The following EIF2S3 variants were observed in gnomAD, a reference collection of about 807,000 sequenced individuals.
The protein encoded by EIF2S3 is eukaryotic translation initiation factor 2 subunit 3.
A neutral mutation model predicts 31.7 loss-of-function variants in EIF2S3; 2 were observed. The ratio of observed to expected loss-of-function variants is 0.06; its 90% CI spans 0.03 to 0.20. EIF2S3 has a LOEUF of 0.20. EIF2S3 is among the 10% of genes least tolerant of loss of function. EIF2S3 has a pLI of 1.00. For missense variants in EIF2S3, 96 were observed against 359.3 expected, an observed-to-expected ratio of 0.27 and a Z score of 5.92; for synonymous variants, 120 against 126.7, an observed-to-expected ratio of 0.95 and a Z score of 0.36.
chrX:24,077,051 TATACATCATGCAG>T lies in EIF2S3; in HGVS notation c.*267_*279del. 3.9e-6 allele frequency: 1 copy of T among 254,990 alleles called. No homozygotes were observed. The highest frequency in any genetic ancestry group is 6.8e-6 in the Non-Finnish European group (1 of 146,949). 21.0% of individuals were successfully genotyped at this position (254,990 alleles called of 1,213,427 possible). On this transcript the variant is annotated 3_prime_UTR_variant, in exon 12 of 12. Coordinates refer to ENST00000253039, the MANE Select transcript of EIF2S3 (RefSeq NM_001415.4). ...AAACATTCCCACATAATGTCAAAAT[TATACATCATGCAG>T]TTCTGTTTTTTTGTTTGTTTTATTT... is the stretch of plus-strand genomic sequence containing the variant.
At chrX:24,056,208 C>G (rs1475832202) in intron 2 of EIF2S3, among the ~76,000 whole-genome samples, 3 of 111,128 alleles carry the variant, frequency 2.7e-5, no homozygotes, top group Non-Finnish European at 5.7e-5. Context: ...TAGTTTTTAA[C>G]CTAGTTAAAA....
chrX:24,065,518 A>G (rs1255667194), intron 7 of EIF2S3, among the ~76,000 whole-genome samples: 2 of 111,324 alleles, frequency 1.8e-5, no homozygotes, highest in Non-Finnish European at 3.8e-5. Context: ...GCTACTCGGT[A>G]GGCTGAGGCA....
At position 24,067,414 on chromosome X, in the gene EIF2S3, A is replaced by G. The variant is rs778670055; in HGVS notation, c.868-550A>G. On this transcript the variant is annotated intron_variant, in intron 8 of 11. Coordinates refer to ENST00000253039, the MANE Select transcript of EIF2S3 (RefSeq NM_001415.4). ...TTATAGACTTGTAAGTATGGAGCACATTTGATGTGGTAATAGACTTGTGTG... is the reference window on the plus strand; with the variant it reads ...TTATAGACTTGTAAGTATGGAGCACGTTTGATGTGGTAATAGACTTGTGTG... 2.8e-5 allele frequency among the ~76,000 whole-genome samples: 3 copies of G among 108,800 alleles called. No individual in the cohort carries two copies. In the South Asian group the frequency reaches 1.2e-3, roughly 43 times the overall value. The allele number at this position is 108,800 out of a possible 115,157, so 94.5% of individuals were successfully genotyped here.
intron 2 of EIF2S3, 128 bp downstream of exon 2, chrX:24,055,806 A>G: frequency 3.0e-6 from 2 of 659,188 alleles, no homozygotes; most frequent in South Asian, 5.2e-5. Context: ...CTTGTGAATA[A>G]AGCATCTGCT....
At chrX:24,066,802 C>G (rs1233352941) in intron 8 of EIF2S3, among the ~76,000 whole-genome samples, 2 of 112,489 alleles carry the variant, frequency 1.8e-5, no homozygotes, top group Admixed American at 1.9e-4. Flanking sequence ...GCGTGAGCCA[C>G]TTTGCCCGGC....
intron 8 of EIF2S3, 128 bp from the exon 9 acceptor site, chrX:24,067,836 C>T (rs1930602381): frequency 2.0e-5 from 15 of 737,441 alleles, no homozygotes; most frequent in East Asian, 3.5e-5. Flanking sequence ...GATCCACCCG[C>T]CTCGGCCTCC....
In EIF2S3 at chrX:24,057,580, C is replaced by A. The variant is rs759957027; in HGVS notation, c.261+32C>A. 1.2e-5 allele frequency: 14 copies of A among 1,207,838 alleles called. No homozygotes were observed. The East Asian group carries it at 2.4e-4, about 20-fold the overall frequency. On this transcript the variant is annotated intron_variant, in intron 3 of 11. Coordinates refer to ENST00000253039, the MANE Select transcript of EIF2S3 (RefSeq NM_001415.4). ...TGTGTACTGTGGAACGAGAAACTAA[C>A]TTTAATTGTTGTGCAGATAACAAAT...
Position 24,060,200 on chromosome X carries a change from G to A in EIF2S3, c.478+18G>A. ...GTTGATAGGTAAATACCTCACAATTGGTTTGGACAAATCAATGTGGAACAA... is the reference window on the plus strand; with the variant it reads ...GTTGATAGGTAAATACCTCACAATTAGTTTGGACAAATCAATGTGGAACAA... On this transcript the variant is annotated intron_variant, in intron 5 of 11. Coordinates refer to ENST00000253039, the MANE Select transcript of EIF2S3 (RefSeq NM_001415.4). The A allele has an allele frequency of 8.6e-7, 1 of 1,166,756 alleles. No individual in the cohort carries two copies. Among genetic ancestry groups the A allele is most frequent in the Non-Finnish European group, 1.2e-6 (1 of 854,706 alleles).
intron 10 of EIF2S3, among the ~76,000 whole-genome samples, chrX:24,072,353 C>G (rs373199343): frequency 1.3e-4 from 14 of 111,341 alleles, no homozygotes; most frequent in African/African-American, 4.6e-4. Flanking sequence ...GGTGCGATCT[C>G]GACTCACAGC....
intron 9 of EIF2S3, among the ~76,000 whole-genome samples, chrX:24,068,634 C>T (rs913319587): frequency 4.5e-5 from 5 of 110,813 alleles, no homozygotes; most frequent in African/African-American, 6.6e-5. Context: ...TTAGTAGAGA[C>T]GGGGTTTCAC....
intron 9 of EIF2S3, among the ~76,000 whole-genome samples, chrX:24,070,300 C>T (rs1165230528): frequency 1.9e-5 from 2 of 107,404 alleles, no homozygotes; most frequent in Non-Finnish European, 3.8e-5. Flanking sequence ...CCAGCCTGGG[C>T]GACAGAGACT....
intron 9 of EIF2S3, among the ~76,000 whole-genome samples, chrX:24,068,341 A>C (rs927263706): frequency 8.1e-5 from 9 of 111,412 alleles, no homozygotes; most frequent in Non-Finnish European, 1.3e-4. Flanking sequence ...ATATAGAGTA[A>C]CTCCTTTTTA....
Position 24,065,980 on chromosome X carries a change from T to A in EIF2S3, c.773-18T>A. On this transcript the variant is annotated intron_variant, in intron 7 of 11. Coordinates refer to ENST00000253039, the MANE Select transcript of EIF2S3 (RefSeq NM_001415.4). ...AAGTTAAGATTAACAGAACTGACTT[T>A]AATTTGTTTTATTTTAGTTATTAGA... The A allele has an allele frequency of 8.6e-7, 1 of 1,159,088 alleles. No homozygotes were observed. Among genetic ancestry groups the A allele is most frequent in the Non-Finnish European group, 1.2e-6 (1 of 853,467 alleles).
chrX:24,073,320 A>C, intron 11 of EIF2S3, 57 bp downstream of exon 11: 1 of 1,131,873 alleles, frequency 8.8e-7, no homozygotes, highest in Non-Finnish European at 1.2e-6. Context: ...TCTTGTACAG[A>C]AAAAAAAGCA....
intron 4 of EIF2S3, among the ~76,000 whole-genome samples, chrX:24,058,920 T>C (rs2147125663): frequency 9.1e-6 from 1 of 109,439 alleles, no homozygotes; most frequent in East Asian, 2.9e-4. Flanking sequence ...AGGTGGGCTT[T>C]TGCCATGTTG....
chrX:24,074,029 T>A (rs1294884432), intron 11 of EIF2S3, among the ~76,000 whole-genome samples: 2 of 112,466 alleles, frequency 1.8e-5, no homozygotes, highest in African/African-American at 6.4e-5. Flanking sequence ...AAGGATATTC[T>A]TATGTAACCA....
At chrX:24,074,030 T>G (rs761869697) in intron 11 of EIF2S3, among the ~76,000 whole-genome samples, 1 of 112,451 alleles carries the variant, frequency 8.9e-6, no homozygotes, top group African/African-American at 3.2e-5. Flanking sequence ...AGGATATTCT[T>G]ATGTAACCAC....
At chrX:24,055,289 A>T (rs1199996451) in intron 1 of EIF2S3, among the ~76,000 whole-genome samples, 1 of 111,121 alleles carries the variant, frequency 9.0e-6, no homozygotes, top group East Asian at 2.8e-4. Flanking sequence ...CTTGATGTTG[A>T]TTGTCATGGT....
chrX:24,060,734 G>A (rs958992152), intron 5 of EIF2S3, among the ~76,000 whole-genome samples: 3 of 108,982 alleles, frequency 2.8e-5, no homozygotes, highest in Admixed American at 1.0e-4. Flanking sequence ...GGCTGAGGTC[G>A]GCGGATCACC....
Sources: gnomAD v4.1 joint callset for allele counts (sites outside exome capture counted in the v4.1 genomes callset) on GRCh38, gnomAD v4.1.1 for gene constraint, MANE v1.5 for transcripts, NCBI Gene and HGNC (gene_info 2026-07-23, HGNC 2026-07-21) for gene names.